The following ERC2 variants were observed in gnomAD, a reference collection of about 807,000 sequenced individuals.
The protein encoded by ERC2 is ELKS/RAB6-interacting/CAST family member 2.
ERC2 carries 42 observed loss-of-function variants against 114.8 expected under a neutral mutation model. That is an observed-to-expected ratio of 0.37 (90% CI 0.29 to 0.47). ERC2 has a LOEUF of 0.47. ERC2 is among the 20% of genes least tolerant of loss of function. The probability of loss-of-function intolerance (pLI) is 0.99; values close to 1 mark genes in which losing one functional copy is unlikely to be tolerated. For missense variants in ERC2, 939 were observed against 1,150.7 expected, an observed-to-expected ratio of 0.82 and a Z score of 2.66; for synonymous variants, 454 against 425.5, an observed-to-expected ratio of 1.07 and a Z score of -0.82.
At chr3:56,057,827 A>G (rs2076080766) in intron 7 of ERC2, among the ~76,000 whole-genome samples, 1 of 152,196 alleles carries the variant, frequency 6.6e-6, no homozygotes, top group Non-Finnish European at 1.5e-5. Flanking sequence ...TAATGAGTAA[A>G]TGATAGATTG....
chr3:55,685,202 C>G (rs762728063), intron 16 of ERC2, among the ~76,000 whole-genome samples: 1 of 152,272 alleles, frequency 6.6e-6, no homozygotes, highest in Non-Finnish European at 1.5e-5. Context: ...GAGAGTTCAT[C>G]ATACTGCCAA....
intron 8 of ERC2, among the ~76,000 whole-genome samples, chr3:56,016,264 A>C (rs1230424894): frequency 1.3e-5 from 2 of 151,910 alleles, no homozygotes; most frequent in African/African-American, 2.4e-5. Context: ...AGACATTTTC[A>C]TCATGAAATC....
At chr3:56,448,147 TC>T (rs2107499869) in intron 1 of ERC2, among the ~76,000 whole-genome samples, 1 of 152,250 alleles carries the variant, frequency 6.6e-6, no homozygotes, top group East Asian at 1.9e-4. Flanking sequence ...TGTCCAGTAA[TC>T]CGTATATGAC....
chr3:55,833,941 A>C (rs1033845137), intron 14 of ERC2, among the ~76,000 whole-genome samples: 6 of 151,926 alleles, frequency 3.9e-5, no homozygotes, highest in African/African-American at 1.5e-4. Flanking sequence ...GAAAACAAAA[A>C]AAGGCAGGGG....
chr3:55,692,470 G>A (rs1008277673), intron 16 of ERC2, among the ~76,000 whole-genome samples: 23 of 152,172 alleles, frequency 1.5e-4, no homozygotes, highest in African/African-American at 5.6e-4. Flanking sequence ...CATAATTGCA[G>A]GGATGGCTGG....
In ERC2 at chr3:55,792,986, C is replaced by A. The variant is rs115061711; in HGVS notation, c.2565-58068G>T. Among the ~76,000 whole-genome samples, 451 of 152,284 alleles carry A rather than the reference C, an allele frequency of 3.0e-3. 4 individuals are homozygous for A. The highest frequency in any genetic ancestry group is 0.01 in the African/African-American group (430 of 41,574). On this transcript the variant is annotated intron_variant, in intron 14 of 17. Transcript: ENST00000288221. ...GAACCATGCCTGGTGATGCTATAAC[C>A]CTGAGCCCTGGGGAGTATATAGATT...
chr3:55,923,092 G>C (rs2316116), intron 13 of ERC2, among the ~76,000 whole-genome samples: 92,768 of 151,958 alleles, frequency 0.61, 29,214 homozygotes, highest in Non-Finnish European at 0.66. Flanking sequence ...CTGTTCATAG[G>C]AGCATGATTC....
chr3:55,893,198 G>C (rs1353331541), intron 13 of ERC2, among the ~76,000 whole-genome samples: 1 of 152,118 alleles, frequency 6.6e-6, no homozygotes, highest in Non-Finnish European at 1.5e-5. Flanking sequence ...GCCACCTACT[G>C]TATGGTATTT....
At position 56,404,790 on chromosome 3, in the gene ERC2, G is replaced by T. The variant is rs140907005; in HGVS notation, c.657+29561C>A. ...GGGTCTAATAATCCAGTGGAAAAAA[G>T]AAGTTTTCACACAAATAATTATAAC... On this transcript the variant is annotated intron_variant, in intron 2 of 17. Coordinates refer to ENST00000288221, the MANE Select transcript of ERC2 (RefSeq NM_015576.3). Among the ~76,000 whole-genome samples, 280 of 151,168 alleles carry T rather than the reference G, an allele frequency of 1.9e-3. 2 individuals are homozygous for T. The highest frequency in any genetic ancestry group is 6.0e-3 in the African/African-American group (249 of 41,306).
chr3:56,232,620 C>T (rs2050699604), intron 3 of ERC2, among the ~76,000 whole-genome samples: 1 of 152,184 alleles, frequency 6.6e-6, no homozygotes, highest in South Asian at 2.1e-4. Flanking sequence ...ATAAAATGCT[C>T]AACCAGCAAC....
In ERC2 at chr3:56,154,768, G is replaced by T. The variant is rs539984845; in HGVS notation, c.1150-5636C>A. 4.6e-5 allele frequency among the ~76,000 whole-genome samples: 7 copies of T among 152,242 alleles called. No homozygotes were observed. The East Asian group carries it at 1.4e-3, about 29-fold the overall frequency. ...GCTTTTACAATAAGACTATGCTCCTGAGTATGTTAAGAAAATTACAAGTGA... is the reference window on the plus strand; with the variant it reads ...GCTTTTACAATAAGACTATGCTCCTTAGTATGTTAAGAAAATTACAAGTGA... On this transcript the variant is annotated intron_variant, in intron 4 of 17. Transcript: ENST00000288221.
At chr3:56,286,004 C>T (rs963798198) in intron 3 of ERC2, among the ~76,000 whole-genome samples, 2 of 152,108 alleles carry the variant, frequency 1.3e-5, no homozygotes, top group Non-Finnish European at 2.9e-5. Context: ...TGGAATCTGC[C>T]GGGGTTCCTT....
chr3:56,293,943 G>A (rs1292190409), intron 3 of ERC2, among the ~76,000 whole-genome samples: 1 of 152,228 alleles, frequency 6.6e-6, no homozygotes, highest in Non-Finnish European at 1.5e-5. Context: ...CTGACCACAA[G>A]ATCCCAACAA....
intron 2 of ERC2, among the ~76,000 whole-genome samples, chr3:56,313,497 G>A (rs1334034613): frequency 6.6e-6 from 1 of 151,892 alleles, no homozygotes; most frequent in Non-Finnish European, 1.5e-5. Flanking sequence ...ATATTCTTTG[G>A]GTTGCAAGCA....
intron 2 of ERC2, among the ~76,000 whole-genome samples, chr3:56,303,627 G>T (rs541155768): frequency 2.9e-4 from 44 of 152,348 alleles, no homozygotes; most frequent in African/African-American, 9.9e-4. Context: ...CAAGGGAGGG[G>T]TTGTGGGAGA....
At chr3:55,926,415 T>TAAAAAA (rs3076615) in intron 13 of ERC2, among the ~76,000 whole-genome samples, 4 of 148,380 alleles carry the variant, frequency 2.7e-5, no homozygotes, top group Admixed American at 6.7e-5. Context: ...TTTTTGTTTT[T>TAAAAAA]AAAAAAAAAA....
intron 10 of ERC2, 127 bp downstream of exon 10, chr3:56,007,050 TTTAA>T (rs1201050482): frequency 4.0e-6 from 3 of 753,538 alleles, no homozygotes; most frequent in Non-Finnish European, 4.1e-6. Flanking sequence ...GTTAAGAGTA[TTTAA>T]TTAATTCTTT....
intron 16 of ERC2, among the ~76,000 whole-genome samples, chr3:55,691,261 G>A (rs1370244649): frequency 6.6e-6 from 1 of 152,040 alleles, no homozygotes; most frequent in Non-Finnish European, 1.5e-5. Flanking sequence ...GCTAAACACA[G>A]TATCCTCCAA....
At chr3:55,686,085 A>G (rs573656220) in intron 16 of ERC2, among the ~76,000 whole-genome samples, 2 of 152,346 alleles carry the variant, frequency 1.3e-5, no homozygotes, top group South Asian at 2.1e-4. Flanking sequence ...TGAAACAGAC[A>G]GGAGTTGTAG....
Sources: allele counts gnomAD v4.1 joint callset (sites outside exome capture counted in the v4.1 genomes callset), GRCh38; gene constraint gnomAD v4.1.1; transcripts MANE v1.5; gene names NCBI Gene and HGNC (gene_info 2026-07-23, HGNC 2026-07-21).